Variants in INO80D observed in about 807,000 individuals in gnomAD.
The protein encoded by INO80D is INO80 complex subunit D.
A neutral mutation model predicts 87.6 loss-of-function variants in INO80D; 21 were observed. That is an observed-to-expected ratio of 0.24 (90% CI 0.17 to 0.35). The LOEUF (loss-of-function observed/expected upper bound fraction) is 0.35, where lower values mean the gene tolerates loss of function less well. Among genes scored for constraint, INO80D ranks in the 10% least tolerant of loss-of-function variants. The pLI, the probability that INO80D is intolerant of heterozygous loss-of-function variation, is 1.00. For missense variants in INO80D, 982 were observed against 1,280.7 expected (o/e 0.77, Z 3.56); for synonymous variants, 440 against 491.0 (o/e 0.90, Z 1.37).
Position 206,005,543 on chromosome 2 carries a change from C to A in INO80D, c.1919-10G>T. On this transcript the variant is annotated splice_polypyrimidine_tract_variant and intron_variant, in intron 10 of 10. Coordinates refer to ENST00000403263, the MANE Select transcript of INO80D (RefSeq NM_017759.5). ...AGGTCTCCATTCTTCCCTGAGTCAACAAAAGCCATCGACAATCAGTAGAGC... is the reference window on the plus strand; with the variant it reads ...AGGTCTCCATTCTTCCCTGAGTCAAAAAAAGCCATCGACAATCAGTAGAGC... 1 of 1,599,106 alleles carries A rather than the reference C, an allele frequency of 6.3e-7. No individual in the cohort carries two copies. The highest frequency in any genetic ancestry group is 8.5e-7 in the Non-Finnish European group (1 of 1,172,996).
chr2:206,026,992 T>G (rs559336988), intron 6 of INO80D, among the ~76,000 whole-genome samples: 3 of 152,218 alleles, frequency 2.0e-5, no homozygotes, highest in Non-Finnish European at 2.9e-5. Flanking sequence ...CATTAATTAA[T>G]AATTAAGAAT....
intron 6 of INO80D, among the ~76,000 whole-genome samples, chr2:206,025,051 C>T (rs895405395): frequency 6.6e-6 from 1 of 152,006 alleles, no homozygotes; most frequent in African/African-American, 2.4e-5. Context: ...CCATCGCACC[C>T]GGCCAACACT....
chr2:206,007,120 C>T (rs1688047758), intron 10 of INO80D, among the ~76,000 whole-genome samples, 164 bp downstream of exon 10: 1 of 152,202 alleles, frequency 6.6e-6, no homozygotes, highest in African/African-American at 2.4e-5. Flanking sequence ...CATTCCTTAT[C>T]TTCTGAAAGG....
chr2:206,017,091 G>A (rs939897137), intron 8 of INO80D, among the ~76,000 whole-genome samples: 8 of 152,126 alleles, frequency 5.3e-5, no homozygotes, highest in Admixed American at 1.3e-4. Context: ...AGGATCACAG[G>A]TTCCAACTAT....
intron 5 of INO80D, among the ~76,000 whole-genome samples, chr2:206,039,353 C>T (rs970273760): frequency 1.3e-5 from 2 of 151,656 alleles, no homozygotes; most frequent in Admixed American, 6.6e-5. Flanking sequence ...GCCGAGATTG[C>T]GCCATTGTAC....
intron 8 of INO80D, among the ~76,000 whole-genome samples, chr2:206,014,468 T>C (rs1279894411): frequency 6.6e-6 from 1 of 152,044 alleles, no homozygotes; most frequent in African/African-American, 2.4e-5. Context: ...GTTCTCGTAA[T>C]AGTGAATGGG....
intron 8 of INO80D, among the ~76,000 whole-genome samples, chr2:206,015,957 G>T (rs976342113): frequency 1.3e-5 from 2 of 152,162 alleles, no homozygotes; most frequent in Admixed American, 6.5e-5. Context: ...GGGCCCTCCA[G>T]GGGAACCTCT....
intron 10 of INO80D, 107 bp from the exon 11 acceptor site, chr2:206,005,640 T>C (rs1196554745): frequency 1.1e-6 from 1 of 911,662 alleles, no homozygotes; most frequent in African/African-American, 1.7e-5. Flanking sequence ...AAAGAGTCCC[T>C]CTTGAAAAGA....
intron 1 of INO80D, among the ~76,000 whole-genome samples, chr2:206,081,793 AAAAGT>A (rs1388468710): frequency 2.0e-5 from 3 of 150,844 alleles, no homozygotes; most frequent in African/African-American, 7.3e-5. Context: ...AGAAAGAAAG[AAAAGT>A]AAAGTGGGCT....
At chr2:206,037,980 C>T (rs1432801627) in intron 5 of INO80D, among the ~76,000 whole-genome samples, 2 of 152,160 alleles carry the variant, frequency 1.3e-5, no homozygotes, top group African/African-American at 4.8e-5. Context: ...AAGCCAGGCA[C>T]AGAAAGACAA....
At chr2:206,050,712 T>C (rs1020609135) in intron 4 of INO80D, among the ~76,000 whole-genome samples, 2 of 152,148 alleles carry the variant, frequency 1.3e-5, no homozygotes, top group Non-Finnish European at 2.9e-5. Flanking sequence ...CTCACGCCTG[T>C]AATCCCAGCA....
intron 5 of INO80D, 38 bp from the exon 6 acceptor site, chr2:206,028,373 A>G (rs762853669): frequency 1.4e-6 from 2 of 1,477,148 alleles, no homozygotes; most frequent in East Asian, 2.3e-5. Context: ...AACTGATTAC[A>G]CATTAGGCTC....
At chr2:206,046,685 C>A (rs1215836632) in intron 4 of INO80D, 73 bp from the exon 5 acceptor site, 10 of 954,908 alleles carry the variant, frequency 1.0e-5, no homozygotes, top group Admixed American at 6.0e-5. Flanking sequence ...AAAAGCTACA[C>A]AAAATAACAT....
intron 8 of INO80D, among the ~76,000 whole-genome samples, chr2:206,010,852 TG>T (rs1437842945): frequency 2.6e-5 from 4 of 151,998 alleles, no homozygotes; most frequent in African/African-American, 9.7e-5. Flanking sequence ...CCGAGGTGGG[TG>T]GATCACCTGA....
intron 6 of INO80D, among the ~76,000 whole-genome samples, chr2:206,020,606 A>T (rs1559436903): frequency 2.0e-5 from 3 of 151,698 alleles, no homozygotes; most frequent in Non-Finnish European, 4.4e-5. Context: ...CATTATTTAA[A>T]TTTTTTTTTA....
At position 206,025,538 on chromosome 2, in the gene INO80D, A is replaced by T. The variant is rs1371796952; in HGVS notation, c.1298+2573T>A. The T allele has an allele frequency of 1.2e-4, 8 of 69,254 alleles. No homozygotes were observed. In the South Asian group the frequency reaches 4.4e-3, roughly 38 times the overall value. The allele number at this position is 69,254 out of a possible 1,614,324, so 4.3% of individuals were successfully genotyped here. On this transcript the variant is annotated intron_variant, in intron 6 of 10. Coordinates refer to ENST00000403263, the MANE Select transcript of INO80D (RefSeq NM_017759.5). ...AGTGAAACTCCATCTCAAAAAAAAAAAAAAATATATATATATATATATATA... is the reference window on the plus strand; with the variant it reads ...AGTGAAACTCCATCTCAAAAAAAAATAAAAATATATATATATATATATATA...
chr2:206,050,951 A>G (rs528907944), intron 4 of INO80D, among the ~76,000 whole-genome samples: 3 of 151,400 alleles, frequency 2.0e-5, no homozygotes, highest in African/African-American at 7.2e-5. Flanking sequence ...CCCGGGTGAC[A>G]GAGCGAAACT....
intron 5 of INO80D, among the ~76,000 whole-genome samples, chr2:206,029,681 CT>C (rs909482421): frequency 6.6e-6 from 1 of 152,102 alleles, no homozygotes. Context: ...CGTCAGTATA[CT>C]TTTTACTACA....
intron 6 of INO80D, among the ~76,000 whole-genome samples, chr2:206,025,312 G>A (rs1022049900): frequency 6.6e-6 from 1 of 150,914 alleles, no homozygotes; most frequent in African/African-American, 2.4e-5. Context: ...TGGATCACCT[G>A]AGGTCAGGAA....
Sources: allele counts gnomAD v4.1 joint callset (sites outside exome capture counted in the v4.1 genomes callset), GRCh38; gene constraint gnomAD v4.1.1; transcripts MANE v1.5; gene names NCBI Gene and HGNC (gene_info 2026-07-23, HGNC 2026-07-21).